Variants in BAALC observed in about 807,000 individuals in gnomAD.
BAALC encodes BAALC binder of MAP3K1 and KLF4.
Under a neutral mutation model 15.5 loss-of-function variants are expected in BAALC, and 9 were observed. The ratio of observed to expected loss-of-function variants is 0.58; its 90% CI spans 0.35 to 1.02. The LOEUF is 1.02. Among genes scored for constraint, BAALC ranks in the 50% least tolerant of loss-of-function variants. The pLI, the probability that BAALC is intolerant of heterozygous loss-of-function variation, is 0.02. For synonymous variants in BAALC, 80 were observed against 74.6 expected, an observed-to-expected ratio of 1.07 and a Z score of -0.37; for missense variants, 201 against 192.4, an observed-to-expected ratio of 1.04 and a Z score of -0.27.
At chr8:103,198,196 A>G (rs1217319246) in intron 1 of BAALC, 1 of 695,614 alleles carries the variant, frequency 1.4e-6, no homozygotes, top group African/African-American at 1.8e-5. Flanking sequence ...TAAAATAGGC[A>G]TTGCAATGTA....
At chr8:103,185,492 T>C (rs1811814908) in intron 1 of BAALC, among the ~76,000 whole-genome samples, 1 of 152,240 alleles carries the variant, frequency 6.6e-6, no homozygotes, top group Non-Finnish European at 1.5e-5. Flanking sequence ...TATACACACA[T>C]AATTTATCAA....
chr8:103,218,977 A>G (rs1186851650), intron 2 of BAALC, among the ~76,000 whole-genome samples: 1 of 152,192 alleles, frequency 6.6e-6, no homozygotes, highest in Non-Finnish European at 1.5e-5. Flanking sequence ...GAAAGTAAAT[A>G]TGAGTCTCTC....
chr8:103,149,563 C>A (rs1810940267), intron 1 of BAALC, among the ~76,000 whole-genome samples: 2 of 152,184 alleles, frequency 1.3e-5, no homozygotes, highest in African/African-American at 2.4e-5. Context: ...GCTGTATTTG[C>A]ATCTTATACG....
intron 1 of BAALC, among the ~76,000 whole-genome samples, chr8:103,157,681 G>A (rs1369044881): frequency 1.3e-5 from 2 of 152,084 alleles, no homozygotes; most frequent in Admixed American, 6.5e-5. Flanking sequence ...CAAGCATGGT[G>A]GTGCATGCCT....
At chr8:103,141,225 A>C in intron 1 of BAALC, 168 bp downstream of exon 1, 1 of 758,150 alleles carries the variant, frequency 1.3e-6, no homozygotes, top group Non-Finnish European at 1.9e-6. Context: ...ATGCAAGCCC[A>C]GGGAGTGGGG....
At chr8:103,189,633 T>C (rs747803551) in intron 1 of BAALC, among the ~76,000 whole-genome samples, 8 of 152,218 alleles carry the variant, frequency 5.3e-5, no homozygotes, top group Non-Finnish European at 1.2e-4. Context: ...CTCACCAGAC[T>C]GGAAAGGTGA....
At chr8:103,219,523 A>C (rs1175380532) in intron 2 of BAALC, 1 of 151,956 alleles carries the variant, frequency 6.6e-6, no homozygotes, top group Non-Finnish European at 1.5e-5. Context: ...AAAAGCAACA[A>C]CTCCTTTTGG....
intron 1 of BAALC, among the ~76,000 whole-genome samples, chr8:103,162,373 C>T (rs1196333340): frequency 3.3e-5 from 5 of 152,078 alleles, no homozygotes; most frequent in African/African-American, 7.2e-5. Flanking sequence ...AAAGCAAAAA[C>T]CTGAAGTTAT....
At chr8:103,144,531 G>T (rs1051040518) in intron 1 of BAALC, among the ~76,000 whole-genome samples, 2 of 152,194 alleles carry the variant, frequency 1.3e-5, no homozygotes, top group Non-Finnish European at 1.5e-5. Context: ...CCTGGTGGGG[G>T]TCTCCAAGGA....
rs561846072 is a variant in BAALC at position 103,152,472 on chromosome 8, C to G, written c.160+11415C>G. On this transcript the variant is annotated intron_variant, in intron 1 of 2. Transcript: ENST00000309982. Reference sequence around the variant, plus strand: ...GAGACCAGCCTTCCCCAGTGGCCATCTGGTCATTTCCTTCCTAACACCACT... The same window carrying G: ...GAGACCAGCCTTCCCCAGTGGCCATGTGGTCATTTCCTTCCTAACACCACT... 5.3e-5 allele frequency among the ~76,000 whole-genome samples: 8 copies of G among 152,330 alleles called. No individual in the cohort carries two copies. In the South Asian group the frequency reaches 1.7e-3, roughly 32 times the overall value.
At chr8:103,184,875 G>A (rs766081939) in intron 1 of BAALC, among the ~76,000 whole-genome samples, 20 of 152,186 alleles carry the variant, frequency 1.3e-4, no homozygotes, top group Admixed American at 2.0e-4. Context: ...GAGAGCTGTC[G>A]TTTATTCTGT....
At chr8:103,155,438 A>T (rs1811071019) in intron 1 of BAALC, among the ~76,000 whole-genome samples, 1 of 152,090 alleles carries the variant, frequency 6.6e-6, no homozygotes, top group Admixed American at 6.5e-5. Flanking sequence ...TGCCCTGGGG[A>T]GCTCTGGAGC....
At chr8:103,185,636 G>A (rs941953680) in intron 1 of BAALC, among the ~76,000 whole-genome samples, 2 of 152,236 alleles carry the variant, frequency 1.3e-5, no homozygotes, top group African/African-American at 4.8e-5. Context: ...CCCAGAGACT[G>A]AGACCAATGA....
chr8:103,140,937 C>G lies in BAALC; in HGVS notation c.40C>G (p.Arg14Gly), dbSNP rs866254829. Residue 14 changes from arginine to glycine, a missense_variant, in exon 1 of 3, where the codon CGC becomes GGC. Arg to Gly is a moderately radical substitution (Grantham distance 125). Transcript: ENST00000309982. The surrounding 1 kb of genome is among the most constrained non-coding windows in gnomAD (Gnocchi z 4.2). ...GAGCCGGGCGGATGCCATCGAGCCC[C>G]GCTACTACGAGAGCTGGACCCGGGA... ...GGSRADAIEPRYYESWTRETE... is the reference protein window; with the variant it reads ...GGSRADAIEPGYYESWTRETE... 1 of 1,534,240 alleles carries G rather than the reference C, an allele frequency of 6.5e-7. No individual in the cohort carries two copies. Among genetic ancestry groups the G allele is most frequent in the East Asian group, 2.6e-5 (1 of 38,132 alleles).
chr8:103,213,246 C>A, intron 2 of BAALC, 161 bp downstream of exon 2: 1 of 756,938 alleles, frequency 1.3e-6, no homozygotes, highest in Non-Finnish European at 2.0e-6. Context: ...GCTGCAAACC[C>A]CACCCCAAAA....
chr8:103,147,994 A>G (rs1810912378), intron 1 of BAALC, among the ~76,000 whole-genome samples: 1 of 152,146 alleles, frequency 6.6e-6, no homozygotes, highest in Non-Finnish European at 1.5e-5. Context: ...TCTCTTGAGA[A>G]TGTTGTTCTT....
At chr8:103,211,512 T>C (rs192338249) in intron 1 of BAALC, among the ~76,000 whole-genome samples, 175 of 152,338 alleles carry the variant, frequency 1.1e-3, no homozygotes, top group Admixed American at 4.2e-3. Flanking sequence ...TTATTGAAAA[T>C]TCTTTTCTGA....
At chr8:103,184,895 A>T (rs190603954) in intron 1 of BAALC, among the ~76,000 whole-genome samples, 6 of 152,248 alleles carry the variant, frequency 3.9e-5, no homozygotes, top group African/African-American at 1.4e-4. Flanking sequence ...TTGATTTATG[A>T]CTTGCCTGAG....
At chr8:103,174,823 G>T (rs1187527285) in intron 1 of BAALC, among the ~76,000 whole-genome samples, 1 of 152,142 alleles carries the variant, frequency 6.6e-6, no homozygotes, top group African/African-American at 2.4e-5. Flanking sequence ...ACATCTTTTA[G>T]CTGAGCAGCA....
Sources: gnomAD v4.1 joint callset for allele counts (sites outside exome capture counted in the v4.1 genomes callset) on GRCh38, gnomAD v4.1.1 for gene constraint, Gnocchi (gnomAD v3.1) non-coding constraint, MANE v1.5 for transcripts, NCBI Gene and HGNC (gene_info 2026-07-23, HGNC 2026-07-21) for gene names.